PPP2R2B: variants seen among roughly 807,000 people sequenced by gnomAD.
PPP2R2B encodes the protein serine/threonine-protein phosphatase 2A 55 kDa regulatory subunit B beta isoform.
A neutral mutation model predicts 46.0 loss-of-function variants in PPP2R2B; 5 were observed. The observed-to-expected ratio is 0.11, with a 90% CI of 0.06 to 0.23. The LOEUF is 0.23. Among genes scored for constraint, PPP2R2B ranks in the 10% least tolerant of loss-of-function variants. The pLI is 1.00. For synonymous variants in PPP2R2B, 215 were observed against 206.7 expected, an observed-to-expected ratio of 1.04 and a Z score of -0.34; for missense variants, 367 against 575.0, an observed-to-expected ratio of 0.64 and a Z score of 3.70.
intron 1 of PPP2R2B, among the ~76,000 whole-genome samples, chr5:146,966,154 C>CTAA (rs1351707619): frequency 6.6e-6 from 1 of 152,174 alleles, no homozygotes; most frequent in Non-Finnish European, 1.5e-5. Flanking sequence ...GTGTTCTTAG[C>CTAA]TAATGGTCCT....
intron 2 of PPP2R2B, among the ~76,000 whole-genome samples, chr5:146,850,112 G>A (rs1478925039): frequency 6.6e-6 from 1 of 152,188 alleles, no homozygotes; most frequent in African/African-American, 2.4e-5. Flanking sequence ...GGGTAAGCGT[G>A]TGTGGGTGAC....
chr5:147,003,275 A>T (rs1388587522), intron 1 of PPP2R2B, among the ~76,000 whole-genome samples: 1 of 152,010 alleles, frequency 6.6e-6, no homozygotes, highest in Admixed American at 6.5e-5. Flanking sequence ...CCCACCCAGA[A>T]GGAAATAAGC....
intron 2 of PPP2R2B, among the ~76,000 whole-genome samples, chr5:146,838,503 G>A (rs760964798): frequency 6.6e-6 from 1 of 150,968 alleles, no homozygotes; most frequent in African/African-American, 2.4e-5. Flanking sequence ...CCTGGGAGGC[G>A]GAGATTGCAC....
chr5:146,871,509 A>G (rs769297545), intron 2 of PPP2R2B, among the ~76,000 whole-genome samples: 48 of 152,168 alleles, frequency 3.2e-4, no homozygotes, highest in Non-Finnish European at 6.0e-4. Context: ...TTCTGTTCTT[A>G]TTATATAACA....
At chr5:146,674,560 C>T (rs1026217660) in intron 5 of PPP2R2B, among the ~76,000 whole-genome samples, 2 of 152,164 alleles carry the variant, frequency 1.3e-5, no homozygotes, top group Admixed American at 1.3e-4. Context: ...ATATATTTCC[C>T]TTCTGGTCCT....
intron 2 of PPP2R2B, among the ~76,000 whole-genome samples, chr5:147,079,684 G>T (rs939246490): frequency 6.6e-6 from 1 of 151,744 alleles, no homozygotes; most frequent in Non-Finnish European, 1.5e-5. Context: ...GTTACCAGAG[G>T]CCTGGGAGGG....
In PPP2R2B at chr5:146,588,384, C is replaced by T. The variant is rs1189734377; in HGVS notation, c.*1563G>A. The T allele has an allele frequency of 6.6e-6, 1 of 152,082 alleles. No homozygotes were observed. The highest frequency in any genetic ancestry group is 1.5e-5 in the Non-Finnish European group (1 of 68,012). The allele number at this position is 152,082 out of a possible 1,614,324, so 9.4% of individuals were successfully genotyped here. A position where few individuals can be genotyped will look rare whatever the true frequency, so the allele number is the denominator to read the frequency against. ...GATTCTTTCACTATTTTTTCCTCCT[C>T]CAAAGCAAATTACACTTGAAAGTCA... On this transcript the variant is annotated 3_prime_UTR_variant, in exon 10 of 10. Transcript: ENST00000394411.
At chr5:146,963,558 G>C (rs1177915383) in intron 1 of PPP2R2B, among the ~76,000 whole-genome samples, 1 of 152,082 alleles carries the variant, frequency 6.6e-6, no homozygotes, top group African/African-American at 2.4e-5. Flanking sequence ...ATTTCTTTGG[G>C]GTCCCAAGTT....
chr5:146,667,345 C>A (rs887849026), intron 5 of PPP2R2B, among the ~76,000 whole-genome samples: 9 of 101,486 alleles, frequency 8.9e-5, no homozygotes, highest in Non-Finnish European at 1.4e-4. Context: ...CACACACACA[C>A]ACACACACAC....
intron 5 of PPP2R2B, among the ~76,000 whole-genome samples, chr5:146,667,756 G>A (rs530786263): frequency 1.3e-5 from 2 of 152,148 alleles, no homozygotes; most frequent in African/African-American, 4.8e-5. Context: ...TCTCTTAAAC[G>A]CCTTCTCTCT....
At chr5:146,869,032 G>C (rs1389014313) in intron 2 of PPP2R2B, among the ~76,000 whole-genome samples, 1 of 152,130 alleles carries the variant, frequency 6.6e-6, no homozygotes, top group Non-Finnish European at 1.5e-5. Context: ...AGCCTGTACT[G>C]GTGCACAGAA....
At chr5:146,608,707 C>T (rs960899149) in intron 7 of PPP2R2B, among the ~76,000 whole-genome samples, 2 of 152,094 alleles carry the variant, frequency 1.3e-5, no homozygotes, top group African/African-American at 4.8e-5. Flanking sequence ...ATCGCTTGAA[C>T]CCAGGAGGCG....
At chr5:146,808,345 C>T (rs567888249) in intron 2 of PPP2R2B, among the ~76,000 whole-genome samples, 6 of 152,286 alleles carry the variant, frequency 3.9e-5, no homozygotes, top group South Asian at 4.2e-4. Context: ...ATATTTCCAT[C>T]GTCAGAGCAA....
At chr5:146,971,481 C>T (rs1382533331) in intron 1 of PPP2R2B, among the ~76,000 whole-genome samples, 9 of 152,180 alleles carry the variant, frequency 5.9e-5, no homozygotes, top group South Asian at 2.1e-4. Flanking sequence ...TGAAAGAATG[C>T]GCCACAATTC....
chr5:146,737,277 T>C (rs1330627020), intron 2 of PPP2R2B, among the ~76,000 whole-genome samples: 1 of 152,162 alleles, frequency 6.6e-6, no homozygotes, highest in Non-Finnish European at 1.5e-5. Flanking sequence ...TAGTAGTATT[T>C]TTTGGGTGTC....
intron 1 of PPP2R2B, among the ~76,000 whole-genome samples, chr5:147,052,916 A>T (rs568658665): frequency 1.3e-5 from 2 of 152,080 alleles, no homozygotes; most frequent in Non-Finnish European, 2.9e-5. Flanking sequence ...AGAAAAAGGA[A>T]CCAATAGTTG....
At chr5:146,805,002 C>A (rs781156747) in intron 2 of PPP2R2B, among the ~76,000 whole-genome samples, 7 of 152,140 alleles carry the variant, frequency 4.6e-5, no homozygotes, top group Non-Finnish European at 1.0e-4. Context: ...GCTGTTGGGT[C>A]CCAAGATGGC....
At chr5:146,604,772 C>A (rs1295051322) in intron 7 of PPP2R2B, among the ~76,000 whole-genome samples, 1 of 152,168 alleles carries the variant, frequency 6.6e-6, no homozygotes, top group African/African-American at 2.4e-5. Context: ...AGTAAGTCAC[C>A]AGGATCATGC....
chr5:146,927,136 C>T (rs1433313975), intron 1 of PPP2R2B, among the ~76,000 whole-genome samples: 3 of 152,100 alleles, frequency 2.0e-5, no homozygotes, highest in African/African-American at 7.2e-5. Context: ...GAGTGATGTC[C>T]CATGATTTTT....
Sources: allele counts gnomAD v4.1 joint callset (sites outside exome capture counted in the v4.1 genomes callset), GRCh38; gene constraint gnomAD v4.1.1; transcripts MANE v1.5; gene names NCBI Gene and HGNC (gene_info 2026-07-23, HGNC 2026-07-21).